Variants in MGAT4C observed in about 807,000 individuals in gnomAD.
MGAT4C encodes alpha-1,3-mannosyl-glycoprotein 4-beta-N-acetylglucosaminyltransferase C.
Under a neutral mutation model 40.1 loss-of-function variants are expected in MGAT4C, and 19 were observed. That is an observed-to-expected ratio of 0.47 (90% confidence interval 0.33 to 0.70). The LOEUF is 0.70. Among genes scored for constraint, MGAT4C ranks in the 30% least tolerant of loss-of-function variants. The pLI is 0.02. For synonymous variants in MGAT4C, 181 were observed against 187.1 expected, an observed-to-expected ratio of 0.97 and a Z score of 0.27; for missense variants, 491 against 563.2, an observed-to-expected ratio of 0.87 and a Z score of 1.30.
At position 86,479,284 on chromosome 12, in the gene MGAT4C, T is replaced by C. The variant is rs1014000971; in HGVS notation, c.-228-44019A>G. 2.6e-5 allele frequency among the ~76,000 whole-genome samples: 4 copies of C among 151,970 alleles called. No homozygotes were observed. In the South Asian group the frequency reaches 8.3e-4, roughly 32 times the overall value. On this transcript the variant is annotated intron_variant, in intron 2 of 7. Coordinates refer to the MGAT4C transcript ENST00000548651. The stretch of plus-strand genomic sequence containing the variant: ...AAATGAATATATAAATTTTGAAGTA[T>C]GCAAGAAATTAATCAATACTATAAA...
intron 2 of MGAT4C, among the ~76,000 whole-genome samples, chr12:86,607,245 A>C (rs7965463): frequency 0.97 from 147,872 of 151,954 alleles, 72,040 homozygotes; most frequent in Middle Eastern, 1. Context: ...AATGGAAGAA[A>C]CTAATATTTT....
intron 1 of MGAT4C, among the ~76,000 whole-genome samples, chr12:86,822,667 T>C (rs536308090): frequency 1.0e-3 from 157 of 151,250 alleles, no homozygotes; most frequent in African/African-American, 3.7e-3. Flanking sequence ...GCACCCACCA[T>C]CATAGCACCT....
Position 85,972,252 on chromosome 12 carries a change from G to A in MGAT4C, c.*7037C>T, listed in dbSNP as rs1883654937. 1.3e-5 allele frequency: 2 copies of A among 151,048 alleles called. No homozygotes were observed. The highest frequency in any genetic ancestry group is 6.6e-5 in the Admixed American group (1 of 15,106). 9.4% of individuals were successfully genotyped at this position (151,048 alleles called of 1,614,324 possible). ...ATGTTTGTTTTAGAGCTTAAGAAATGTTAAGAAGAGAAGTTACAACTGCAT... is the reference window on the plus strand; with the variant it reads ...ATGTTTGTTTTAGAGCTTAAGAAATATTAAGAAGAGAAGTTACAACTGCAT... On this transcript the variant is annotated 3_prime_UTR_variant, in exon 5 of 5. Coordinates refer to ENST00000611864, the MANE Select transcript of MGAT4C (RefSeq NM_001351288.2).
At chr12:86,728,637 G>C (rs755713983) in intron 1 of MGAT4C, among the ~76,000 whole-genome samples, 36 of 152,186 alleles carry the variant, frequency 2.4e-4, no homozygotes, top group Non-Finnish European at 4.0e-4. Context: ...GTTACAGTGA[G>C]CTGAGATCTC....
In MGAT4C at chr12:86,011,715, TA is replaced by T. The variant is rs201389068; in HGVS notation, c.-6-22164del. The T allele has an allele frequency of 4.2e-3, 1,909 of 451,886 alleles. 27 individuals are homozygous for T. Among genetic ancestry groups the T allele is most frequent in the African/African-American group, 0.038 (1,763 of 46,932 alleles). 28.0% of individuals were successfully genotyped at this position (451,886 alleles called of 1,614,324 possible). Reference sequence around the variant, plus strand: ...ACATTAGTAACTTAGGGTCCCAGTGTAAAAAAAGTATGTTAATATAATTTGC... The same window carrying T: ...ACATTAGTAACTTAGGGTCCCAGTGTAAAAAAGTATGTTAATATAATTTGC... On this transcript the variant is annotated intron_variant, in intron 2 of 4. Coordinates refer to ENST00000611864, the MANE Select transcript of MGAT4C (RefSeq NM_001351288.2).
chr12:86,016,955 T>TGAA (rs78713501), intron 2 of MGAT4C, among the ~76,000 whole-genome samples: 62,366 of 151,550 alleles, frequency 0.41, 13,320 homozygotes, highest in Middle Eastern at 0.49. Flanking sequence ...ACCGTATTAC[T>TGAA]GATGCCTCTG....
chr12:86,284,941 A>G (rs1292635483), intron 4 of MGAT4C, among the ~76,000 whole-genome samples: 1 of 152,044 alleles, frequency 6.6e-6, no homozygotes, highest in Non-Finnish European at 1.5e-5. Flanking sequence ...TATTAATTTT[A>G]GCAACTAAAC....
intron 1 of MGAT4C, among the ~76,000 whole-genome samples, chr12:86,795,857 T>C (rs1479908185): frequency 6.6e-6 from 1 of 152,038 alleles, no homozygotes; most frequent in Non-Finnish European, 1.5e-5. Context: ...TGAATCCTAC[T>C]GCTTTCTGCA....
At chr12:86,804,108 C>T (rs1952292888) in intron 1 of MGAT4C, among the ~76,000 whole-genome samples, 1 of 151,006 alleles carries the variant, frequency 6.6e-6, no homozygotes, top group African/African-American at 2.4e-5. Flanking sequence ...GAGTTCACGT[C>T]CTTTGTAGGG....
At chr12:86,616,004 T>C (rs1029865962) in intron 2 of MGAT4C, among the ~76,000 whole-genome samples, 20 of 152,120 alleles carry the variant, frequency 1.3e-4, no homozygotes, top group African/African-American at 4.3e-4. Flanking sequence ...AAGAAAGTTG[T>C]AGAATGTCTA....
At chr12:86,563,236 G>T (rs1959951253) in intron 2 of MGAT4C, among the ~76,000 whole-genome samples, 1 of 152,152 alleles carries the variant, frequency 6.6e-6, no homozygotes, top group Non-Finnish European at 1.5e-5. Flanking sequence ...AAATGCAATG[G>T]GAATAATTGG....
rs74833705 is a variant in MGAT4C at position 85,973,870 on chromosome 12, G to T, written c.*5419C>A. 2 of 150,740 alleles carry T rather than the reference G, an allele frequency of 1.3e-5. No individual in the cohort carries two copies. Among genetic ancestry groups the T allele is most frequent in the African/African-American group, 2.4e-5 (1 of 41,256 alleles). The allele number at this position is 150,740 out of a possible 1,614,324, so 9.3% of individuals were successfully genotyped here. On this transcript the variant is annotated 3_prime_UTR_variant, in exon 5 of 5. Transcript: ENST00000611864. ...TTCAGATCCAGTTATCTGGCAAATG[G>T]TCTCAAACATACATTTCAATTTCAA...
intron 2 of MGAT4C, among the ~76,000 whole-genome samples, chr12:86,673,659 A>T (rs938486184): frequency 6.6e-6 from 1 of 152,190 alleles, no homozygotes; most frequent in African/African-American, 2.4e-5. Flanking sequence ...ATCTTGATCA[A>T]CTTTCAATAT....
At chr12:86,108,310 T>C (rs577346112) in intron 1 of MGAT4C, among the ~76,000 whole-genome samples, 3 of 152,222 alleles carry the variant, frequency 2.0e-5, no homozygotes, top group East Asian at 3.9e-4. Context: ...AACAATAAGA[T>C]ACCAAATTAT....
chr12:86,345,636 T>C (rs1056228372), intron 3 of MGAT4C, among the ~76,000 whole-genome samples: 2 of 152,128 alleles, frequency 1.3e-5, no homozygotes, highest in Non-Finnish European at 2.9e-5. Context: ...TAGTATTCCA[T>C]GGTGTATATG....
chr12:86,282,370 G>A lies in MGAT4C; in HGVS notation c.-57+51695C>T, dbSNP rs138660510. On this transcript the variant is annotated intron_variant, in intron 4 of 7. Transcript: ENST00000548651. ...TATCTGTTGTTAAACCTAATCCAAT[G>A]CCTTCTTTTTGGTTTTGAATATTGG... Among the ~76,000 whole-genome samples the A allele has an allele frequency of 4.6e-3, 695 of 152,038 alleles. 7 individuals are homozygous for A. Among genetic ancestry groups the A allele is most frequent in the South Asian group, 0.014 (67 of 4,820 alleles).
At chr12:86,484,853 A>C (rs1201194407) in intron 2 of MGAT4C, among the ~76,000 whole-genome samples, 2 of 152,180 alleles carry the variant, frequency 1.3e-5, no homozygotes, top group Non-Finnish European at 2.9e-5. Flanking sequence ...GAGTGGGGTC[A>C]GGTCTTTCCC....
At chr12:86,322,682 G>A (rs1954425308) in intron 4 of MGAT4C, among the ~76,000 whole-genome samples, 1 of 151,852 alleles carries the variant, frequency 6.6e-6, no homozygotes, top group African/African-American at 2.4e-5. Context: ...AACGGGAAGG[G>A]CAATTTAGTT....
chr12:86,140,312 A>G (rs755890631), intron 1 of MGAT4C, among the ~76,000 whole-genome samples: 41 of 152,212 alleles, frequency 2.7e-4, no homozygotes, highest in Non-Finnish European at 5.6e-4. Context: ...TGAAGAAACA[A>G]TTGTGGTTTA....
Sources: gnomAD v4.1 joint callset for allele counts (sites outside exome capture counted in the v4.1 genomes callset) on GRCh38, gnomAD v4.1.1 for gene constraint, MANE v1.5 for transcripts, NCBI Gene and HGNC (gene_info 2026-07-23, HGNC 2026-07-21) for gene names.